HSPG2: variants seen among roughly 807,000 people sequenced by gnomAD.
HSPG2 encodes basement membrane-specific heparan sulfate proteoglycan core protein.
In HSPG2, 278 loss-of-function variants were observed where a neutral mutation model predicts 526.6. The observed-to-expected ratio is 0.53, with a 90% CI of 0.48 to 0.58. The LOEUF is 0.58. Among genes scored for constraint, HSPG2 ranks in the 20% least tolerant of loss-of-function variants. HSPG2 has a pLI of 0.00. For synonymous variants in HSPG2, 2,465 were observed against 2,555.4 expected (o/e 0.96, Z 1.07); for missense variants, 5,354 against 6,099.5 (o/e 0.88, Z 4.07).
chr1:21,832,655 C>T, intron 80 of HSPG2, 49 bp from the exon 81 acceptor site: 2 of 1,432,416 alleles, frequency 1.4e-6, no homozygotes, highest in Non-Finnish European at 2.0e-6. Context: ...CACAGGCTCC[C>T]TGTCCTCCCC....
At chr1:21,870,387 C>T in intron 33 of HSPG2, 13 of 669,060 alleles carry the variant, frequency 1.9e-5, no homozygotes, top group Non-Finnish European at 2.4e-5. Context: ...GCAGGGTCCT[C>T]TACCCACGGA....
In HSPG2 at chr1:21,841,138, C is replaced by T. The variant is rs140573963; in HGVS notation, c.9476G>A (p.Arg3159Gln). 634 of 1,613,312 alleles carry T rather than the reference C, an allele frequency of 3.9e-4. No homozygotes were observed. Among genetic ancestry groups the T allele is most frequent in the Non-Finnish European group, 4.9e-4 (580 of 1,179,890 alleles). The change falls in exon 71 of 97, where the codon CGG becomes CAG. Residue 3159 changes from arginine (R) to glutamine (Q), a missense_variant. By Grantham distance (43) the Arg-to-Gln change is conservative. Coordinates refer to ENST00000374695, the MANE Select transcript of HSPG2 (RefSeq NM_005529.7). ...GTGGCTGTCCATGAGCCCATATGTCCGCTGCTCCAACTTGGCAGGGGTGCT... is the reference window on the plus strand; with the variant it reads ...GTGGCTGTCCATGAGCCCATATGTCTGCTGCTCCAACTTGGCAGGGGTGCT... ...ISSTPAKLEQRTYGLMDSHAV... is the reference protein window; with the variant it reads ...ISSTPAKLEQQTYGLMDSHAV...
intron 10 of HSPG2, 53 bp from the exon 11 acceptor site, chr1:21,885,210 G>C (rs1460922842): frequency 6.2e-7 from 1 of 1,600,094 alleles, no homozygotes; most frequent in Non-Finnish European, 8.5e-7. Context: ...AGGAGGAGCG[G>C]AAGGAGGGCT....
rs201665758 is a variant in HSPG2 at position 21,862,058 on chromosome 1, C to T, written c.4798G>A (p.Gly1600Arg). Residue 1600 changes from glycine (G) to arginine (R), a missense_variant, in exon 38 of 97, where the codon GGA becomes AGA. Gly to Arg is a moderately radical substitution (Grantham distance 125, BLOSUM62 -2). Transcript: ENST00000374695. ...FCELCAPGYYGDATAGTPEDC... is the reference protein window; with the variant it reads ...FCELCAPGYYRDATAGTPEDC... Reference sequence around the variant, plus strand: ...TCAGGCGTCCCGGCTGTGGCATCTCCGTAGTAGCCAGGGGCACAAAGCTCG... The same window carrying T: ...TCAGGCGTCCCGGCTGTGGCATCTCTGTAGTAGCCAGGGGCACAAAGCTCG... 160 of 1,613,998 alleles carry T rather than the reference C, an allele frequency of 9.9e-5. No homozygotes were observed. Among genetic ancestry groups the T allele is most frequent in the Middle Eastern group, 1.6e-4 (1 of 6,084 alleles).
chr1:21,835,246 C>G, intron 76 of HSPG2: 1 of 598,568 alleles, frequency 1.7e-6, no homozygotes, highest in Non-Finnish European at 3.0e-6. Context: ...AGCTTAGCCT[C>G]CTGAGTAGGT....
In HSPG2 at chr1:21,858,420, G is replaced by A. The variant is rs541906569; in HGVS notation, c.5294-1035C>T. The stretch of plus-strand genomic sequence containing the variant: ...GACTCTGGGCTGGGGCCCTGTCCTC[G>A]GGCCACACTCTCCCTAGGTGACTTC... On this transcript the variant is annotated intron_variant, in intron 42 of 96. Transcript: ENST00000374695. The surrounding 1 kb of genome is among the most constrained non-coding windows in gnomAD (Gnocchi z 4.2). 6.6e-6 allele frequency among the ~76,000 whole-genome samples: 1 copy of A among 152,200 alleles called. No homozygotes were observed. The highest frequency in any genetic ancestry group is 2.1e-4 in the South Asian group (1 of 4,828).
At chr1:21,841,902 T>C in intron 69 of HSPG2, 100 bp downstream of exon 69, 9 of 1,498,400 alleles carry the variant, frequency 6.0e-6, no homozygotes, top group Non-Finnish European at 8.3e-6. Flanking sequence ...ACACCATGAA[T>C]GTGGGGCGTC....
chr1:21,832,909 A>G, intron 80 of HSPG2: 1 of 565,696 alleles, frequency 1.8e-6, no homozygotes, highest in Non-Finnish European at 3.2e-6. Context: ...AGTGAAAGTC[A>G]GAGACCCGTA....
chr1:21,839,174 A>G lies in HSPG2; in HGVS notation c.9890-89T>C. On this transcript the variant is annotated intron_variant, in intron 73 of 96. Transcript: ENST00000374695. This position sits in a 1 kb window ranked among gnomAD's most constrained non-coding sequence, Gnocchi z 4.5. ...TGGATCCAGTGTCCAGGGAAGCTGA[A>G]TGGTGAGCCCAGAGGACTGGGGATA... is the stretch of plus-strand genomic sequence containing the variant. The G allele has an allele frequency of 6.6e-7, 1 of 1,510,610 alleles. No homozygotes were observed. The highest frequency in any genetic ancestry group is 9.0e-7 in the Non-Finnish European group (1 of 1,116,212). The allele number at this position is 1,510,610 out of a possible 1,614,324, so 93.6% of individuals were successfully genotyped here. A position where few individuals can be genotyped will look rare whatever the true frequency, so the allele number is the denominator to read the frequency against.
chr1:21,848,614 T>C lies in HSPG2; in HGVS notation c.7737+29A>G, dbSNP rs1386192057. The C allele has an allele frequency of 6.2e-7, 1 of 1,612,130 alleles. No homozygotes were observed. Among genetic ancestry groups the C allele is most frequent in the African/African-American group, 1.3e-5 (1 of 74,910 alleles). On this transcript the variant is annotated intron_variant, in intron 59 of 96. Transcript: ENST00000374695. The surrounding 1 kb of genome is among the most constrained non-coding windows in gnomAD (Gnocchi z 4.9). ...CCATTGGGGGCTGGTGTGCCCTGCT[T>C]TTGCCCTCCCCACCTGCTGGCCCTG...
At chr1:21,863,008 C>T (rs1459577546) in intron 37 of HSPG2, among the ~76,000 whole-genome samples, 2 of 140,610 alleles carry the variant, frequency 1.4e-5, no homozygotes, top group South Asian at 2.3e-4. Context: ...TGCAGTGAGC[C>T]GAGATTGTGC....
At chr1:21,878,968 C>G (rs749976084) in intron 18 of HSPG2, 26 bp downstream of exon 18, 15 of 1,609,442 alleles carry the variant, frequency 9.3e-6, no homozygotes, top group African/African-American at 6.7e-5. Context: ...CAGCCAAACC[C>G]CCCCTGACCC....
intron 1 of HSPG2, among the ~76,000 whole-genome samples, chr1:21,933,301 G>C (rs945267728): frequency 6.6e-6 from 1 of 152,168 alleles, no homozygotes; most frequent in African/African-American, 2.4e-5. Context: ...CAGGAGGCCG[G>C]GTGTTGCAGG....
At chr1:21,855,746 G>A in intron 45 of HSPG2, 41 bp downstream of exon 45, 1 of 1,609,646 alleles carries the variant, frequency 6.2e-7, no homozygotes, top group Non-Finnish European at 8.5e-7. Context: ...CCCACACCCA[G>A]GAGAGTCAGG....
chr1:21,902,728 T>C (rs1389016460), intron 1 of HSPG2, among the ~76,000 whole-genome samples: 1 of 152,224 alleles, frequency 6.6e-6, no homozygotes, highest in Non-Finnish European at 1.5e-5. Flanking sequence ...CCAGGGCTTC[T>C]CGGGAGCGCT....
intron 75 of HSPG2, among the ~76,000 whole-genome samples, chr1:21,836,385 G>A (rs1032554828): frequency 9.2e-5 from 14 of 152,160 alleles, no homozygotes; most frequent in Admixed American, 7.9e-4. Flanking sequence ...GCAATGGTGC[G>A]ATCTTGGCTC....
rs138368245 is a variant in HSPG2, at chr1:21,854,697, G to C, written c.6202C>G (p.Leu2068Val). 1.9e-6 allele frequency: 3 copies of C among 1,612,118 alleles called. No individual in the cohort carries two copies. Among genetic ancestry groups the C allele is most frequent in the African/African-American group, 2.7e-5 (2 of 74,922 alleles). Residue 2068 changes from leucine (L) to valine (V), a missense_variant, in exon 49 of 97, where the codon CTC (leucine) becomes GTC (valine). Leu to Val is a conservative substitution (Grantham distance 32). Transcript: ENST00000374695. ...CCTGCCACCACACAGTTGAGGTCGA[G>C]TGTTTGCCCTTCTGTCACAGAAGGC... ...SSPSVTEGQT[L>V]DLNCVVAGSA...
chr1:21,871,258 G>GTTTTTT (rs5772965), intron 33 of HSPG2, among the ~76,000 whole-genome samples: 4 of 114,696 alleles, frequency 3.5e-5, no homozygotes, highest in Admixed American at 1.0e-4. Context: ...CAGAGTATTT[G>GTTTTTT]TTTTTTTTTT....
chr1:21,859,091 AG>A lies in HSPG2; in HGVS notation c.5293+474del, dbSNP rs1639568420. Among the ~76,000 whole-genome samples the A allele has an allele frequency of 1.3e-5, 2 of 152,000 alleles. No homozygotes were observed. Among genetic ancestry groups the A allele is most frequent in the South Asian group, 4.1e-4 (2 of 4,820 alleles). ...AAGACAGAGTCTTGCTCTGTTGCCC[AG>A]GCTGGAGTGCAGTGGCGCAATCTTG... On this transcript the variant is annotated intron_variant, in intron 42 of 96. Coordinates refer to ENST00000374695, the MANE Select transcript of HSPG2 (RefSeq NM_005529.7). The surrounding 1 kb of genome is among the most constrained non-coding windows in gnomAD (Gnocchi z 5.3).
Sources: allele counts gnomAD v4.1 joint callset (sites outside exome capture counted in the v4.1 genomes callset), GRCh38; gene constraint gnomAD v4.1.1; non-coding constraint Gnocchi (gnomAD v3.1); transcripts MANE v1.5; gene names NCBI Gene and HGNC (gene_info 2026-07-23, HGNC 2026-07-21).